Variants in BCL11A observed in about 807,000 individuals in gnomAD.
BCL11A encodes the protein B cell CLL/lymphoma 11A.
A neutral mutation model predicts 55.9 loss-of-function variants in BCL11A; 2 were observed. The ratio of observed to expected loss-of-function variants is 0.04; its 90% CI spans 0.01 to 0.11. The LOEUF is 0.11. Ranked by LOEUF, BCL11A falls within the 10% of genes least tolerant of loss-of-function variation. BCL11A has a pLI of 1.00. For synonymous variants in BCL11A, 465 were observed against 473.4 expected, an observed-to-expected ratio of 0.98 and a Z score of 0.23; for missense variants, 817 against 1,137.1, an observed-to-expected ratio of 0.72 and a Z score of 4.05.
intron 3 of BCL11A, among the ~76,000 whole-genome samples, chr2:60,467,184 T>TGGTGATGGTGGTGGTGATGGC (rs1382812289): frequency 7.0e-6 from 1 of 142,554 alleles, no homozygotes; most frequent in Admixed American, 6.9e-5. Flanking sequence ...GTGGTGGTGG[T>TGGTGATGGTGGTGGTGATGGC]GGTGATGGTG....
Position 60,553,405 on chromosome 2 carries a change from C to A in BCL11A, c.-135G>T. The A allele has an allele frequency of 3.3e-6, 2 of 608,324 alleles. No homozygotes were observed. The highest frequency in any genetic ancestry group is 4.9e-6 in the Non-Finnish European group (2 of 405,288). 37.7% of individuals were successfully genotyped at this position (608,324 alleles called of 1,614,324 possible). A position where few individuals can be genotyped will look rare whatever the true frequency, so the allele number is the denominator to read the frequency against. ...ATCTTCATCAGTGCCTTTTGACATC[C>A]AAAATAAATTAGAAATAATACAAAG... On this transcript the variant is annotated 5_prime_UTR_variant, in exon 1 of 4. Transcript: ENST00000642384.
intron 2 of BCL11A, among the ~76,000 whole-genome samples, chr2:60,480,006 T>C (rs1174123771): frequency 1.3e-5 from 2 of 152,334 alleles, no homozygotes; most frequent in South Asian, 2.1e-4. Context: ...TGTTAAATCA[T>C]ACTTTGCATT....
At chr2:60,463,914 C>G (rs1015877531) in intron 3 of BCL11A, among the ~76,000 whole-genome samples, 17 of 118,148 alleles carry the variant, frequency 1.4e-4, no homozygotes, top group Non-Finnish European at 3.0e-4. Context: ...CAGTAACTTT[C>G]TAAGAAGGAA....
At chr2:60,491,109 A>T (rs1678602376) in intron 2 of BCL11A, among the ~76,000 whole-genome samples, 1 of 152,236 alleles carries the variant, frequency 6.6e-6, no homozygotes, top group Non-Finnish European at 1.5e-5. Context: ...TTACCAAAAA[A>T]TGACAACATC....
In BCL11A at chr2:60,459,811, AT is replaced by A. The variant is rs1009437839; in HGVS notation, c.*592del. On this transcript the variant is annotated 3_prime_UTR_variant, in exon 4 of 4. Transcript: ENST00000642384. Reference sequence around the variant, plus strand: ...AGAGACAGACATTTAGCTCATAGAGATTTTTTTTCAGTGCTATCTATTCTGT... The same window carrying A: ...AGAGACAGACATTTAGCTCATAGAGATTTTTTTCAGTGCTATCTATTCTGT... 6.7e-6 allele frequency: 7 copies of A among 1,043,018 alleles called. No homozygotes were observed. Among genetic ancestry groups the A allele is most frequent in the East Asian group, 5.8e-5 (1 of 17,276 alleles). The allele number at this position is 1,043,018 out of a possible 1,614,324, so 64.6% of individuals were successfully genotyped here.
chr2:60,533,099 C>T (rs904748453), intron 2 of BCL11A: 1 of 152,146 alleles, frequency 6.6e-6, no homozygotes, highest in African/African-American at 2.4e-5. Flanking sequence ...CATTATGTTT[C>T]AATGTAAAGT....
Position 60,545,994 on chromosome 2 carries a change from C to A in BCL11A, c.362G>T (p.Cys121Phe). 6.2e-7 allele frequency: 1 copy of A among 1,613,890 alleles called. No homozygotes were observed. Among genetic ancestry groups the A allele is most frequent in the Non-Finnish European group, 8.5e-7 (1 of 1,179,796 alleles). The part of the protein sequence containing the change: ...DCLSTSSRGI[C>F]PKQEHIADKL... ...ACCTGCTATGTGTTCCTGTTTGGGG[C>A]AAATTCCTCTAGATGACGTTGATAA... is the stretch of plus-strand genomic sequence containing the variant. Residue 121 changes from cysteine (C) to phenylalanine (F), a missense_variant, in exon 2 of 4, where the codon TGC becomes TTC. Coordinates refer to ENST00000642384, the MANE Select transcript of BCL11A (RefSeq NM_022893.4).
rs1396565488 is a variant in BCL11A at position 60,460,318 on chromosome 2, G to C, written c.*86C>G. 1.3e-6 allele frequency: 2 copies of C among 1,507,014 alleles called. No individual in the cohort carries two copies. Among genetic ancestry groups the C allele is most frequent in the Middle Eastern group, 1.9e-4 (1 of 5,226 alleles). 93.4% of individuals were successfully genotyped at this position (1,507,014 alleles called of 1,614,324 possible). A position where few individuals can be genotyped will look rare whatever the true frequency, so the allele number is the denominator to read the frequency against. On this transcript the variant is annotated 3_prime_UTR_variant, in exon 4 of 4. Transcript: ENST00000642384. ...CATGGGACTAGAAAAAAATCCTACA[G>C]GGAGTGGGGCTGGAGGGCGATGGGG...
At chr2:60,507,222 GGAAGGAA>G (rs1558652566) in intron 2 of BCL11A, among the ~76,000 whole-genome samples, 1,598 of 57,534 alleles carry the variant, frequency 0.028, 405 homozygotes, top group African/African-American at 0.036. Flanking sequence ...AAGGAAGGAA[GGAAGGAA>G]GGAAGGGAGG....
chr2:60,459,305 C>A lies in BCL11A; in HGVS notation c.*1099G>T. On this transcript the variant is annotated 3_prime_UTR_variant, in exon 4 of 4. Transcript: ENST00000642384. ...AAAAAGACATTATTAAAGCAAATAT[C>A]TTCATAAAATGAACTCCTTACTAGT... is the stretch of plus-strand genomic sequence containing the variant. 1 of 1,016,610 alleles carries A rather than the reference C, an allele frequency of 9.8e-7. No homozygotes were observed. Among genetic ancestry groups the A allele is most frequent in the South Asian group, 4.6e-5 (1 of 21,520 alleles). The allele number at this position is 1,016,610 out of a possible 1,614,324, so 63.0% of individuals were successfully genotyped here.
intron 1 of BCL11A, among the ~76,000 whole-genome samples, chr2:60,551,789 G>C (rs1388437496): frequency 1.3e-5 from 2 of 150,564 alleles, no homozygotes; most frequent in East Asian, 3.9e-4. Context: ...CCGGGCGCCG[G>C]GTGGGCGATC....
At chr2:60,495,056 C>A (rs1678866517) in intron 2 of BCL11A, among the ~76,000 whole-genome samples, 1 of 152,180 alleles carries the variant, frequency 6.6e-6, no homozygotes, top group African/African-American at 2.4e-5. Context: ...GGAAGCTTCA[C>A]CTCCTTTACA....
chr2:60,454,168 G>A (rs535256406), downstream of BCL11A, among the ~76,000 whole-genome samples: 28 of 152,246 alleles, frequency 1.8e-4, no homozygotes, highest in African/African-American at 6.3e-4. Flanking sequence ...CAGAAGTGCA[G>A]ACCGGACAAC....
downstream of BCL11A, chr2:60,452,361 T>C (rs1010675995): frequency 6.0e-6 from 3 of 499,446 alleles, no homozygotes; most frequent in Non-Finnish European, 7.2e-6. Context: ...TGTTCCAATG[T>C]GGGTCTGTTT....
chr2:60,457,203 A>AT lies in BCL11A; in HGVS notation c.*3200dup, dbSNP rs567567156. 11 of 997,460 alleles carry AT rather than the reference A, an allele frequency of 1.1e-5. No individual in the cohort carries two copies. The highest frequency in any genetic ancestry group is 1.7e-5 in the African/African-American group (1 of 57,804). The allele number at this position is 997,460 out of a possible 1,614,324, so 61.8% of individuals were successfully genotyped here. On this transcript the variant is annotated 3_prime_UTR_variant, in exon 4 of 4. Coordinates refer to ENST00000642384, the MANE Select transcript of BCL11A (RefSeq NM_022893.4). Reference sequence around the variant, plus strand: ...CAAGAAGCTTACAATGTGTACTTTAATTTTTTTTATTTTTTCAATAAAGGG... The same window carrying AT: ...CAAGAAGCTTACAATGTGTACTTTAATTTTTTTTTATTTTTTCAATAAAGGG...
At chr2:60,526,810 G>A (rs985419248) in intron 2 of BCL11A, 5 of 152,214 alleles carry the variant, frequency 3.3e-5, no homozygotes, top group South Asian at 2.1e-4. Context: ...CCTATAATGC[G>A]TCTGATTCAT....
chr2:60,500,155 T>A (rs1679200402), intron 2 of BCL11A, among the ~76,000 whole-genome samples: 1 of 152,112 alleles, frequency 6.6e-6, no homozygotes, highest in African/African-American at 2.4e-5. Context: ...AGGGCTAGGG[T>A]GCCCAGAGGC....
At chr2:60,499,479 T>C (rs372881013) in intron 2 of BCL11A, among the ~76,000 whole-genome samples, 1 of 152,126 alleles carries the variant, frequency 6.6e-6, no homozygotes, top group South Asian at 2.1e-4. Context: ...TGAGGCCCAA[T>C]AGGCTGATTG....
intron 2 of BCL11A, among the ~76,000 whole-genome samples, chr2:60,473,310 G>C (rs780555910): frequency 6.6e-6 from 1 of 150,510 alleles, no homozygotes; most frequent in Admixed American, 6.6e-5. Flanking sequence ...GGGCTATCTC[G>C]TGACACTGTG....
Sources: allele counts gnomAD v4.1 joint callset (sites outside exome capture counted in the v4.1 genomes callset), GRCh38; gene constraint gnomAD v4.1.1; transcripts MANE v1.5; gene names NCBI Gene and HGNC (gene_info 2026-07-23, HGNC 2026-07-21).